SCN7A: variants seen among roughly 807,000 people sequenced by gnomAD.
The protein encoded by SCN7A is sodium channel protein type 7 subunit alpha.
In SCN7A, 138 loss-of-function variants were observed where a neutral mutation model predicts 155.2. That is an observed-to-expected ratio of 0.89 (90% CI 0.77 to 1.02). The LOEUF is 1.02. Ranked by LOEUF, SCN7A falls within the 50% of genes least tolerant of loss-of-function variation. The pLI is 0.00. For synonymous variants in SCN7A, 693 were observed against 649.0 expected (o/e 1.07, Z -1.03); for missense variants, 2,058 against 1,986.6 (o/e 1.04, Z -0.68).
chr2:166,477,111 A>G (rs1045954193), intron 3 of SCN7A, among the ~76,000 whole-genome samples: 5 of 151,984 alleles, frequency 3.3e-5, no homozygotes, highest in African/African-American at 1.2e-4. Context: ...AACATTTTAA[A>G]TTGTTGAGCA....
intron 12 of SCN7A, among the ~76,000 whole-genome samples, 178 bp downstream of exon 12, chr2:166,447,434 A>G (rs950712959): frequency 1.2e-4 from 19 of 152,178 alleles, no homozygotes; most frequent in Non-Finnish European, 2.8e-4. Context: ...ACTCTTTCCA[A>G]TGTTTAAAAC....
intron 9 of SCN7A, among the ~76,000 whole-genome samples, chr2:166,464,452 G>A (rs1702482956): frequency 6.6e-6 from 1 of 151,932 alleles, no homozygotes; most frequent in South Asian, 2.1e-4. Flanking sequence ...TTTATGAATT[G>A]TAATTTTCAT....
At position 166,423,411 on chromosome 2, in the gene SCN7A, C is replaced by CAA. The variant is rs1559094871; in HGVS notation, c.2874_2875insTT (p.Asp959LeufsTer11). ...AAAATTTTAATTGTCTTTCTCTGAT[C>CAA]CATATATATATCTTCAAAAGCCTGT... On this transcript the variant is annotated frameshift_variant, in exon 19 of 26. Transcript: ENST00000643258. LOFTEE classifies it high-confidence loss of function. The CAA allele has an allele frequency of 1.7e-5, 27 of 1,578,580 alleles. No homozygotes were observed. Among genetic ancestry groups the CAA allele is most frequent in the East Asian group, 2.3e-5 (1 of 43,900 alleles).
At chr2:166,447,300 A>T (rs1160565468) in intron 12 of SCN7A, among the ~76,000 whole-genome samples, 1 of 152,190 alleles carries the variant, frequency 6.6e-6, no homozygotes, top group African/African-American at 2.4e-5. Flanking sequence ...AAATATAGAG[A>T]TAAGTCTAGA....
rs1384987632 is a variant in SCN7A, at chr2:166,426,481, T to G, written c.2853+1307A>C. ...ACTAAAATTCAAGCTTAGATGTCATTTGCTTAATTTTTGATTTCTTGTACC... is the reference window on the plus strand; with the variant it reads ...ACTAAAATTCAAGCTTAGATGTCATGTGCTTAATTTTTGATTTCTTGTACC... On this transcript the variant is annotated intron_variant, in intron 18 of 25. Coordinates refer to ENST00000643258, the MANE Select transcript of SCN7A (RefSeq NM_002976.4). 2.0e-5 allele frequency among the ~76,000 whole-genome samples: 3 copies of G among 152,032 alleles called. No individual in the cohort carries two copies. The South Asian group carries it at 6.2e-4, about 32-fold the overall frequency.
intron 2 of SCN7A, among the ~76,000 whole-genome samples, chr2:166,484,394 C>T (rs1421948847): frequency 2.6e-5 from 4 of 151,328 alleles, no homozygotes; most frequent in Non-Finnish European, 4.4e-5. Flanking sequence ...TATTTATGTA[C>T]CTATGAGTGT....
chr2:166,419,361 C>CTT lies in SCN7A; in HGVS notation c.3135+1827_3135+1828dup, dbSNP rs577713747. On this transcript the variant is annotated intron_variant, in intron 20 of 25. Transcript: ENST00000643258. ...GTATTTATACTGGAAATGTGGCTGT[C>CTT]TTTTTTTTTTTTTTTTGAGACAGTC... 3.0e-3 allele frequency among the ~76,000 whole-genome samples: 404 copies of CTT among 134,768 alleles called. 5 individuals carry two copies. Among genetic ancestry groups the CTT allele is most frequent in the Middle Eastern group, 3.8e-3 (1 of 262 alleles). The allele number at this position is 134,768 out of a possible 152,430, so 88.4% of individuals were successfully genotyped here.
Position 166,423,423 on chromosome 2 carries a change from C to T in SCN7A, c.2863G>A (p.Asp955Asn). The T allele has an allele frequency of 1.9e-6, 3 of 1,541,172 alleles. No homozygotes were observed. Among genetic ancestry groups the T allele is most frequent in the Middle Eastern group, 1.8e-4 (1 of 5,546 alleles). ...GTCTTTCTCTGATCCATATATATAT[C>T]TTCAAAAGCCTGTGGGTAAAAATAA... ...LLSTGTLAFE[D>N]IYMDQRKTIK... is the part of the protein sequence containing the mutation. The change falls in exon 19 of 26, where the codon GAT becomes AAT. Residue 955 changes from aspartate (D) to asparagine (N), a missense_variant. By Grantham distance (23) the Asp-to-Asn change is conservative. Transcript: ENST00000643258.
chr2:166,406,731 GT>G, intron 25 of SCN7A, 85 bp from the exon 26 acceptor site: 3 of 869,408 alleles, frequency 3.5e-6, no homozygotes, highest in Non-Finnish European at 5.3e-6. Flanking sequence ...ACACTTAATT[GT>G]TTTTCCCTGT....
intron 1 of SCN7A, among the ~76,000 whole-genome samples, chr2:166,489,184 G>A (rs964352854): frequency 1.3e-5 from 2 of 152,084 alleles, no homozygotes; most frequent in Non-Finnish European, 2.9e-5. Flanking sequence ...GTGCTCATAC[G>A]GAAAGTTTCA....
chr2:166,413,820 T>C (rs1701254513), intron 21 of SCN7A, among the ~76,000 whole-genome samples: 1 of 150,002 alleles, frequency 6.7e-6, no homozygotes, highest in African/African-American at 2.5e-5. Flanking sequence ...TGCTGGATGC[T>C]TCCTGCCCTC....
rs559189971 is a variant in SCN7A, at chr2:166,469,886, G to A, written c.664+729C>T. Among the ~76,000 whole-genome samples the A allele has an allele frequency of 1.1e-3, 160 of 152,012 alleles. 1 individual carries two copies. The highest frequency in any genetic ancestry group is 1.4e-3 in the Admixed American group (21 of 15,232). ...GTGTACAATGTGGTCTTCTTTCATA[G>A]ACCAGAAAGAAGCCTGTAGGCTTTG... is the stretch of plus-strand genomic sequence containing the variant. On this transcript the variant is annotated intron_variant, in intron 7 of 25. Coordinates refer to ENST00000643258, the MANE Select transcript of SCN7A (RefSeq NM_002976.4).
rs141810453 is a variant in SCN7A at position 166,473,845 on chromosome 2, C to T, written c.397G>A (p.Val133Ile). Residue 133 changes from valine to isoleucine, a missense_variant, in exon 5 of 26, where the codon GTA (valine) becomes ATA (isoleucine). Transcript: ENST00000643258. ...GGCAAATTAGTCAGGGACATGAATA[C>T]GCAATCAATCAGGACACTAATTAGA... ...FILISVLIDC[V>I]FMSLTNLPKW... 2,140 of 1,561,742 alleles carry T rather than the reference C, an allele frequency of 1.4e-3. 40 individuals carry two copies. The East Asian group carries it at 0.025, about 18-fold the overall frequency.
At chr2:166,436,476 T>G in intron 15 of SCN7A, 1 of 379,118 alleles carries the variant, frequency 2.6e-6, no homozygotes, top group South Asian at 2.0e-5. Context: ...CTCTTTCTTT[T>G]GTAAATTATC....
At chr2:166,480,704 G>A (rs147578481) in intron 2 of SCN7A, among the ~76,000 whole-genome samples, 21 of 152,214 alleles carry the variant, frequency 1.4e-4, no homozygotes, top group African/African-American at 4.8e-4. Flanking sequence ...CATTGTCTTG[G>A]TATTTTGAAT....
intron 25 of SCN7A, among the ~76,000 whole-genome samples, chr2:166,407,127 C>T (rs1235330102): frequency 6.6e-6 from 1 of 151,888 alleles, no homozygotes; most frequent in Non-Finnish European, 1.5e-5. Context: ...AATTATAAGA[C>T]AGAAATTGAT....
chr2:166,418,963 A>G (rs1701449705), intron 20 of SCN7A, among the ~76,000 whole-genome samples: 1 of 152,172 alleles, frequency 6.6e-6, no homozygotes, highest in Non-Finnish European at 1.5e-5. Flanking sequence ...TGACCTAAGC[A>G]TGGCTACTAT....
chr2:166,479,172 C>CAT (rs566144090), intron 2 of SCN7A, among the ~76,000 whole-genome samples: 19 of 152,226 alleles, frequency 1.2e-4, no homozygotes, highest in African/African-American at 4.6e-4. Flanking sequence ...ATCACCTACA[C>CAT]ATATATATAC....
chr2:166,444,792 T>C lies in SCN7A; in HGVS notation c.1596A>G (p.Gln532=), dbSNP rs1262233119. The change falls in exon 13 of 26, where the codon CAA becomes CAG. Residue 532 remains glutamine, a synonymous_variant. Transcript: ENST00000643258. Reference sequence around the variant, plus strand: ...TTCCAATGTTGAGAAGAGTGTTAGTTTGTTTACTCATTGGATAATGCTCCA... The same window carrying C: ...TTCCAATGTTGAGAAGAGTGTTAGTCTGTTTACTCATTGGATAATGCTCCA... The part of the protein sequence containing the change: ...LTLEHYPMSK[Q]TNTLLNIGNL... The C allele has an allele frequency of 1.3e-6, 2 of 1,596,454 alleles. No individual in the cohort carries two copies. Among genetic ancestry groups the C allele is most frequent in the Non-Finnish European group, 1.7e-6 (2 of 1,168,466 alleles).
Sources: allele counts gnomAD v4.1 joint callset (sites outside exome capture counted in the v4.1 genomes callset), GRCh38; gene constraint gnomAD v4.1.1; transcripts MANE v1.5; gene names NCBI Gene and HGNC (gene_info 2026-07-23, HGNC 2026-07-21).